CATSPERD: variants seen among roughly 807,000 people sequenced by gnomAD.
CATSPERD encodes catsper channel auxiliary subunit delta, also known as cation channel sperm-associated auxiliary subunit delta.
A neutral mutation model predicts 98.1 loss-of-function variants in CATSPERD; 86 were observed. That is an observed-to-expected ratio of 0.88 (90% CI 0.74 to 1.05). The LOEUF (loss-of-function observed/expected upper bound fraction) is 1.05. Among genes scored for constraint, CATSPERD ranks in the 50% least tolerant of loss-of-function variants. The pLI, the probability that CATSPERD is intolerant of heterozygous loss-of-function variation, is 0.00. For missense variants in CATSPERD, 995 were observed against 1,005.7 expected (o/e 0.99, Z 0.14); for synonymous variants, 394 against 390.2 (o/e 1.01, Z -0.12).
rs2055435917 is a variant in CATSPERD, at chr19:5,720,639, T to C, written c.-99T>C. The C allele has an allele frequency of 8.3e-7, 1 of 1,205,834 alleles. No homozygotes were observed. The highest frequency in any genetic ancestry group is 1.3e-5 in the South Asian group (1 of 78,020). The allele number at this position is 1,205,834 out of a possible 1,614,324, so 74.7% of individuals were successfully genotyped here. A position where few individuals can be genotyped will look rare whatever the true frequency, so the allele number is the denominator to read the frequency against. On this transcript the variant is annotated 5_prime_UTR_variant, in exon 1 of 22. Coordinates refer to ENST00000381624, the MANE Select transcript of CATSPERD (RefSeq NM_152784.4). ...GCGGAGGCCCGCTCCCGGGACTCAT[T>C]GATGCGCATGCGCAGGGCTTCAGCC...
intron 18 of CATSPERD, among the ~76,000 whole-genome samples, chr19:5,769,500 C>T (rs528642715): frequency 2.0e-5 from 3 of 152,148 alleles, no homozygotes; most frequent in Admixed American, 6.6e-5. Flanking sequence ...TCAGCAGGAG[C>T]TTTGGAAGGG....
chr19:5,761,765 C>T (rs1348162345), intron 15 of CATSPERD, among the ~76,000 whole-genome samples: 2 of 150,572 alleles, frequency 1.3e-5, no homozygotes, highest in South Asian at 2.1e-4. Context: ...TGCAATGGCA[C>T]GATCTCGGCT....
intron 5 of CATSPERD, among the ~76,000 whole-genome samples, chr19:5,735,303 A>G (rs1599523519): frequency 6.6e-6 from 1 of 151,360 alleles, no homozygotes; most frequent in Admixed American, 6.6e-5. Flanking sequence ...ACGCCTGGCT[A>G]ATTTTTTGTT....
At chr19:5,720,851 T>G (rs756431759) in intron 1 of CATSPERD, 43 bp downstream of exon 1, 2 of 1,537,108 alleles carry the variant, frequency 1.3e-6, no homozygotes, top group South Asian at 1.2e-5. Context: ...CTGCCGGGGG[T>G]CGGGAGGGTG....
intron 7 of CATSPERD, among the ~76,000 whole-genome samples, chr19:5,742,023 G>A (rs1383784500): frequency 1.3e-5 from 2 of 149,566 alleles, no homozygotes; most frequent in African/African-American, 4.9e-5. Context: ...GTGACAGAGT[G>A]AAACTCTGTC....
chr19:5,776,077 T>C (rs2056736378), intron 20 of CATSPERD, 84 bp from the exon 21 acceptor site: 1 of 1,471,940 alleles, frequency 6.8e-7, no homozygotes, highest in Non-Finnish European at 9.3e-7. Flanking sequence ...CTGGGGTGGG[T>C]GCAGGGCCTC....
At chr19:5,767,944 G>GT (rs993079082) in intron 17 of CATSPERD, among the ~76,000 whole-genome samples, 39 of 151,968 alleles carry the variant, frequency 2.6e-4, no homozygotes, top group African/African-American at 8.9e-4. Flanking sequence ...TTAGAGGCGC[G>GT]TGATGCCACG....
At chr19:5,758,995 C>T (rs1046007960) in intron 14 of CATSPERD, 91 bp from the exon 15 acceptor site, 3 of 1,203,204 alleles carry the variant, frequency 2.5e-6, no homozygotes, top group Non-Finnish European at 2.5e-6. Flanking sequence ...CCCATGTCCC[C>T]TCCAACACCC....
At chr19:5,759,426 G>T (rs558655980) in intron 15 of CATSPERD, among the ~76,000 whole-genome samples, 3 of 151,736 alleles carry the variant, frequency 2.0e-5, no homozygotes, top group South Asian at 2.1e-4. Flanking sequence ...TTAGCTAGGC[G>T]TAGTGGCAGG....
Position 5,751,809 on chromosome 19 carries a change from G to A in CATSPERD, c.1150G>A (p.Val384Ile), listed in dbSNP as rs759771771. ...GCTTCTCATGGACCCTGAACTCCAC[G>A]TTGGAAAGTGCAAGGTATGTGATCC... is the stretch of plus-strand genomic sequence containing the variant. The part of the protein sequence containing the change: ...QALLMDPELH[V>I]GKCKIEFLTG... The change falls in exon 12 of 22, where the codon GTT (valine) becomes ATT (isoleucine). Residue 384 changes from valine to isoleucine, a missense_variant. Val to Ile is a conservative substitution (Grantham distance 29, BLOSUM62 3). Coordinates refer to ENST00000381624, the MANE Select transcript of CATSPERD (RefSeq NM_152784.4). The A allele has an allele frequency of 8.7e-6, 14 of 1,611,308 alleles. No homozygotes were observed. The highest frequency in any genetic ancestry group is 1.3e-5 in the African/African-American group (1 of 74,708).
Position 5,766,159 on chromosome 19 carries a change from A to T in CATSPERD, c.1559+4A>T, listed in dbSNP as rs1214486757. On this transcript the variant is annotated splice_donor_region_variant and intron_variant, in intron 17 of 21. Transcript: ENST00000381624. ...ATAAAAAGATCGTCATCCAGAAGTA[A>T]GTATGTTGAGGCCGGGCACCATGGC... is the stretch of plus-strand genomic sequence containing the variant. 6.2e-7 allele frequency: 1 copy of T among 1,612,586 alleles called. No individual in the cohort carries two copies. The highest frequency in any genetic ancestry group is 8.5e-7 in the Non-Finnish European group (1 of 1,179,280).
chr19:5,733,713 C>A (rs1303938529), intron 4 of CATSPERD, 143 bp from the exon 5 acceptor site: 3 of 609,590 alleles, frequency 4.9e-6, no homozygotes, highest in Admixed American at 6.5e-5. Flanking sequence ...GCCTTGGCCT[C>A]CCAAAGTGCT....
chr19:5,742,711 C>T (rs1445571323), intron 7 of CATSPERD, among the ~76,000 whole-genome samples: 2 of 152,040 alleles, frequency 1.3e-5, no homozygotes, highest in Non-Finnish European at 1.5e-5. Context: ...ATTGCTTGAG[C>T]CTGGGAGACT....
chr19:5,747,163 G>A (rs1408705484), intron 9 of CATSPERD, among the ~76,000 whole-genome samples: 1 of 140,194 alleles, frequency 7.1e-6, no homozygotes, highest in African/African-American at 2.7e-5. Context: ...CCTCACAATG[G>A]TTTCCCTTTT....
At chr19:5,775,202 G>T (rs1416123840) in intron 20 of CATSPERD, 4 of 470,024 alleles carry the variant, frequency 8.5e-6, no homozygotes, top group Admixed American at 2.4e-5. Flanking sequence ...ACTGAAGGAA[G>T]GGGGAACGAA....
At chr19:5,748,430 A>C (rs1056592475) in intron 10 of CATSPERD, among the ~76,000 whole-genome samples, 175 bp downstream of exon 10, 4 of 151,892 alleles carry the variant, frequency 2.6e-5, no homozygotes, top group Non-Finnish European at 4.4e-5. Context: ...CAGGAGTTCG[A>C]GACCAGCCTG....
chr19:5,777,961 C>T (rs1402250815), intron 21 of CATSPERD, among the ~76,000 whole-genome samples: 1 of 151,982 alleles, frequency 6.6e-6, no homozygotes, highest in African/African-American at 2.4e-5. Flanking sequence ...GTAATCCCAG[C>T]ATTTTGGGAG....
intron 4 of CATSPERD, among the ~76,000 whole-genome samples, chr19:5,731,230 A>G (rs1251679086): frequency 6.6e-6 from 1 of 152,132 alleles, no homozygotes; most frequent in Non-Finnish European, 1.5e-5. Context: ...CTGTAACCCC[A>G]GCACTTTAAG....
At position 5,737,147 on chromosome 19, in the gene CATSPERD, A is replaced by T. The variant is rs1320508119; in HGVS notation, c.401A>T (p.His134Leu). The T allele has an allele frequency of 6.2e-7, 1 of 1,604,324 alleles. No homozygotes were observed. The highest frequency in any genetic ancestry group is 8.5e-7 in the Non-Finnish European group (1 of 1,171,652). The change falls in exon 6 of 22, where the codon CAC (histidine) becomes CTC (leucine). Residue 134 changes from histidine (H) to leucine (L), a missense_variant. By Grantham distance (99) the His-to-Leu change is moderately conservative (BLOSUM62 -3). This residue lies in a region of CATSPERD where 228 missense variants were observed against 209.6 expected (regional missense o/e 1.09). Transcript: ENST00000381624. ...TATATTTTCCTTTCAGGTATAAAAC[A>T]CCCTGTTACACATGTCTCTGGTGAT... ...NSWSMSLGIK[H>L]PVTHVSGDNC...
Sources: gnomAD v4.1 joint callset for allele counts (sites outside exome capture counted in the v4.1 genomes callset) on GRCh38, gnomAD v4.1.1 for gene constraint, gnomAD v4.1.1 regional missense constraint, MANE v1.5 for transcripts, NCBI Gene and HGNC (gene_info 2026-07-23, HGNC 2026-07-21) for gene names.